SMARCC1: variants seen among roughly 807,000 people sequenced by gnomAD.
SMARCC1 encodes SWI/SNF related BAF chromatin remodeling complex subunit C1.
In SMARCC1, 43 loss-of-function variants were observed where a neutral mutation model predicts 147.4. That is an observed-to-expected ratio of 0.29 (90% CI 0.23 to 0.38). SMARCC1 has a LOEUF of 0.38. Among genes scored for constraint, SMARCC1 ranks in the 10% least tolerant of loss-of-function variants. SMARCC1 has a pLI of 1.00. For synonymous variants in SMARCC1, 495 were observed against 484.4 expected, an observed-to-expected ratio of 1.02 and a Z score of -0.29; for missense variants, 1,119 against 1,381.1, an observed-to-expected ratio of 0.81 and a Z score of 3.01.
intron 12 of SMARCC1, among the ~76,000 whole-genome samples, chr3:47,690,237 C>A (rs1295010704): frequency 6.6e-6 from 1 of 152,094 alleles, no homozygotes. Context: ...TGCAGTCGCT[C>A]ACACCTATAA....
intron 18 of SMARCC1, among the ~76,000 whole-genome samples, chr3:47,673,963 T>C (rs903301364): frequency 5.3e-5 from 8 of 152,184 alleles, no homozygotes; most frequent in Non-Finnish European, 1.0e-4. Context: ...GAAGATGTCT[T>C]TTATACTGAC....
At chr3:47,623,857 G>A (rs1272825780) in intron 24 of SMARCC1, among the ~76,000 whole-genome samples, 1 of 149,730 alleles carries the variant, frequency 6.7e-6, no homozygotes, top group South Asian at 2.1e-4. Context: ...CTAGAACTCA[G>A]CTGGTTTGAA....
At chr3:47,692,804 T>C (rs1272135803) in intron 12 of SMARCC1, among the ~76,000 whole-genome samples, 4 of 152,028 alleles carry the variant, frequency 2.6e-5, no homozygotes, top group African/African-American at 7.2e-5. Context: ...AGGCGGATCA[T>C]GAGGTCAGGA....
intron 2 of SMARCC1, among the ~76,000 whole-genome samples, chr3:47,770,141 T>C (rs1212493545): frequency 6.6e-6 from 1 of 151,428 alleles, no homozygotes; most frequent in Non-Finnish European, 1.5e-5. Context: ...GGCAGGAGAA[T>C]GGCATGAACC....
intron 13 of SMARCC1, among the ~76,000 whole-genome samples, chr3:47,689,021 G>A (rs1368819024): frequency 2.0e-5 from 3 of 151,920 alleles, no homozygotes; most frequent in Non-Finnish European, 4.4e-5. Flanking sequence ...ACCAGCCTGG[G>A]CAACATAAAA....
At position 47,662,334 on chromosome 3, in the gene SMARCC1, C is replaced by T. The variant is rs777108919; in HGVS notation, c.2158G>A (p.Glu720Lys). ...VASAAAKAAL[E>K]EFSRVREEVP... ...GGAGATGGTTTAGGGAAGTCCATACCCAAAGCCGCTTTTGCTGCAGCAGAT... is the reference window on the plus strand; with the variant it reads ...GGAGATGGTTTAGGGAAGTCCATACTCAAAGCCGCTTTTGCTGCAGCAGAT... Residue 720 changes from glutamate (E) to lysine (K), a missense_variant and splice_region_variant, in exon 20 of 28, where the codon GAG (glutamate) becomes AAG (lysine). Physicochemically the swap from Glu to Lys is moderately conservative, Grantham distance 56. This residue lies in a region of SMARCC1 where 178 missense variants were observed against 264.6 expected (regional missense o/e 0.67). Coordinates refer to ENST00000254480, the MANE Select transcript of SMARCC1 (RefSeq NM_003074.4). 1.9e-6 allele frequency: 3 copies of T among 1,613,544 alleles called. No homozygotes were observed. Among genetic ancestry groups the T allele is most frequent in the Non-Finnish European group, 1.7e-6 (2 of 1,179,832 alleles).
intron 2 of SMARCC1, among the ~76,000 whole-genome samples, chr3:47,761,611 G>C (rs980545346): frequency 6.6e-6 from 1 of 152,076 alleles, no homozygotes. Flanking sequence ...GACTACGACT[G>C]CTGATTTCTT....
intron 11 of SMARCC1, 71 bp from the exon 12 acceptor site, chr3:47,693,371 T>C: frequency 1.2e-6 from 1 of 861,924 alleles, no homozygotes; most frequent in African/African-American, 1.7e-5. Flanking sequence ...GAAAACAGAA[T>C]AGGACATGAT....
At chr3:47,737,292 G>C (rs1053895037) in intron 4 of SMARCC1, among the ~76,000 whole-genome samples, 24 of 152,172 alleles carry the variant, frequency 1.6e-4, no homozygotes, top group African/African-American at 5.8e-4. Context: ...TACAGGGAAA[G>C]CTGAGGTGGG....
chr3:47,722,363 T>C (rs1480685381), intron 6 of SMARCC1, among the ~76,000 whole-genome samples: 2 of 146,928 alleles, frequency 1.4e-5, no homozygotes, highest in Non-Finnish European at 3.0e-5. Flanking sequence ...AATGGTGCGA[T>C]CTCGGCTCAC....
At chr3:47,648,436 G>C (rs1036748116) in intron 21 of SMARCC1, among the ~76,000 whole-genome samples, 3 of 152,016 alleles carry the variant, frequency 2.0e-5, no homozygotes, top group African/African-American at 4.8e-5. Flanking sequence ...ACCCAGGCTG[G>C]AGTACAGTGG....
chr3:47,670,011 AT>A (rs1301431390), intron 19 of SMARCC1, among the ~76,000 whole-genome samples: 1 of 152,244 alleles, frequency 6.6e-6, no homozygotes, highest in Non-Finnish European at 1.5e-5. Flanking sequence ...ACATCTTAGG[AT>A]AAATCCAGGC....
chr3:47,604,558 A>G (rs1279138980), intron 26 of SMARCC1: 1 of 317,122 alleles, frequency 3.2e-6, no homozygotes, highest in African/African-American at 2.2e-5. Context: ...TGGCCCCAAA[A>G]TGCTACGGAC....
chr3:47,629,618 G>C (rs1331225564), intron 24 of SMARCC1, among the ~76,000 whole-genome samples: 1 of 152,100 alleles, frequency 6.6e-6, no homozygotes, highest in African/African-American at 2.4e-5. Context: ...TTTGTAAAAA[G>C]TCCAACTACT....
chr3:47,632,106 C>A (rs1376108148), intron 24 of SMARCC1, among the ~76,000 whole-genome samples: 1 of 152,092 alleles, frequency 6.6e-6, no homozygotes, highest in African/African-American at 2.4e-5. Flanking sequence ...CTTCTTTGGA[C>A]ACCTTTTAAA....
chr3:47,605,589 T>C (rs1230092360), intron 26 of SMARCC1, among the ~76,000 whole-genome samples: 3 of 152,060 alleles, frequency 2.0e-5, no homozygotes, highest in South Asian at 2.1e-4. Flanking sequence ...CTGGGCAATA[T>C]AGTGAGCCCA....
At chr3:47,736,472 A>T (rs553592561) in intron 4 of SMARCC1, among the ~76,000 whole-genome samples, 1 of 151,848 alleles carries the variant, frequency 6.6e-6, no homozygotes, top group African/African-American at 2.4e-5. Context: ...TCAGGAGATC[A>T]AGACCATCCT....
chr3:47,688,528 A>T (rs953383865), intron 13 of SMARCC1, among the ~76,000 whole-genome samples: 2 of 152,198 alleles, frequency 1.3e-5, no homozygotes, highest in Non-Finnish European at 2.9e-5. Context: ...TTAATCACAC[A>T]GTCAAACATG....
chr3:47,772,223 A>C (rs1190668924), intron 2 of SMARCC1, among the ~76,000 whole-genome samples: 1 of 152,128 alleles, frequency 6.6e-6, no homozygotes, highest in East Asian at 1.9e-4. Flanking sequence ...AGATCCCATC[A>C]CTACAGAAAT....
Sources: gnomAD v4.1 joint callset for allele counts (sites outside exome capture counted in the v4.1 genomes callset) on GRCh38, gnomAD v4.1.1 for gene constraint, gnomAD v4.1.1 regional missense constraint, MANE v1.5 for transcripts, NCBI Gene and HGNC (gene_info 2026-07-23, HGNC 2026-07-21) for gene names.